Variants in RNF13 observed in about 807,000 individuals in gnomAD.
RNF13 encodes the protein ring finger protein 13.
A neutral mutation model predicts 37.7 loss-of-function variants in RNF13; 19 were observed. The ratio of observed to expected loss-of-function variants is 0.50; its 90% CI spans 0.35 to 0.74. The LOEUF (loss-of-function observed/expected upper bound fraction) is 0.74, where lower values mean the gene tolerates loss of function less well. RNF13 is among the 30% of genes least tolerant of loss of function. The probability of loss-of-function intolerance (pLI) is 0.01; values close to 1 mark genes in which losing one functional copy is unlikely to be tolerated. For synonymous variants in RNF13, 144 were observed against 157.8 expected (o/e 0.91, Z 0.65); for missense variants, 375 against 453.0 (o/e 0.83, Z 1.56).
At chr3:149,881,129 A>G (rs754856154) in intron 4 of RNF13, among the ~76,000 whole-genome samples, 6 of 152,214 alleles carry the variant, frequency 3.9e-5, no homozygotes, top group Non-Finnish European at 7.3e-5. Flanking sequence ...TGAAAAATGC[A>G]GATTTAGGCC....
chr3:149,814,367 G>A (rs1188471105), intron 1 of RNF13: 1 of 152,186 alleles, frequency 6.6e-6, no homozygotes, highest in Non-Finnish European at 1.5e-5. Context: ...TTTAAGCACA[G>A]TTTTTTAATG....
chr3:149,959,707 TA>T (rs1260399794), intron 8 of RNF13, among the ~76,000 whole-genome samples: 4 of 152,330 alleles, frequency 2.6e-5, no homozygotes, highest in Admixed American at 2.6e-4. Flanking sequence ...CATTTTTATT[TA>T]AAAAATGACT....
chr3:149,918,626 T>G (rs1717790370), intron 7 of RNF13, among the ~76,000 whole-genome samples: 1 of 151,924 alleles, frequency 6.6e-6, no homozygotes, highest in South Asian at 2.1e-4. Context: ...TAACCTCAAG[T>G]GATCCTCCCA....
intron 3 of RNF13, among the ~76,000 whole-genome samples, chr3:149,856,616 A>C (rs992497010): frequency 6.6e-6 from 1 of 151,632 alleles, no homozygotes; most frequent in Non-Finnish European, 1.5e-5. Flanking sequence ...GCTAATTTTT[A>C]AATTTTTTTA....
At chr3:149,813,109 C>G (rs1421346197), upstream of RNF13, 1 of 152,264 alleles carries the variant, frequency 6.6e-6, no homozygotes, top group Non-Finnish European at 1.5e-5. Flanking sequence ...AGCGAGACTC[C>G]GCGTGAGAGT....
intron 6 of RNF13, among the ~76,000 whole-genome samples, chr3:149,907,981 C>A (rs1237787188): frequency 6.6e-6 from 1 of 152,156 alleles, no homozygotes; most frequent in African/African-American, 2.4e-5. Context: ...TTTAGGAAAG[C>A]CAATGTTTTC....
At chr3:149,918,526 A>G (rs1331981196) in intron 7 of RNF13, among the ~76,000 whole-genome samples, 1 of 151,430 alleles carries the variant, frequency 6.6e-6, no homozygotes, top group African/African-American at 2.4e-5. Context: ...TTATCCCTTT[A>G]TTTTATTTTG....
chr3:149,891,128 C>T (rs1271442656), intron 4 of RNF13, among the ~76,000 whole-genome samples: 3 of 152,182 alleles, frequency 2.0e-5, no homozygotes, highest in African/African-American at 7.2e-5. Flanking sequence ...CTCTATCTAA[C>T]CTGACAAAGC....
chr3:149,903,945 G>A (rs932559139), intron 6 of RNF13, among the ~76,000 whole-genome samples: 3 of 145,756 alleles, frequency 2.1e-5, no homozygotes, highest in Non-Finnish European at 4.5e-5. Flanking sequence ...CTATCTGTCT[G>A]TCTGTCTGTC....
intron 1 of RNF13, among the ~76,000 whole-genome samples, chr3:149,829,788 G>A (rs1720864387): frequency 6.6e-6 from 1 of 152,174 alleles, no homozygotes; most frequent in Non-Finnish European, 1.5e-5. Context: ...GTTTGGCTGT[G>A]TTCCCACCCA....
intron 5 of RNF13, among the ~76,000 whole-genome samples, chr3:149,901,523 A>G (rs1452110542): frequency 1.3e-5 from 2 of 152,216 alleles, no homozygotes; most frequent in African/African-American, 4.8e-5. Context: ...CCAGGCTTAC[A>G]AGGAAATAGA....
chr3:149,920,717 C>T (rs1436421992), intron 7 of RNF13, among the ~76,000 whole-genome samples: 1 of 149,254 alleles, frequency 6.7e-6, no homozygotes, highest in Non-Finnish European at 1.5e-5. Flanking sequence ...GCCTGTTATT[C>T]TGTAGTAACT....
chr3:149,922,378 A>G (rs1390613749), intron 8 of RNF13, among the ~76,000 whole-genome samples: 1 of 152,342 alleles, frequency 6.6e-6, no homozygotes, highest in African/African-American at 2.4e-5. Context: ...ATGAATAAAT[A>G]AATGAATGAA....
intron 8 of RNF13, among the ~76,000 whole-genome samples, chr3:149,928,224 T>C (rs1398355168): frequency 6.6e-6 from 1 of 152,108 alleles, no homozygotes; most frequent in Non-Finnish European, 1.5e-5. Context: ...TTTTACCTTA[T>C]GTCATATCTA....
intron 8 of RNF13, among the ~76,000 whole-genome samples, chr3:149,933,101 A>C (rs1387064608): frequency 6.6e-6 from 1 of 151,486 alleles, no homozygotes; most frequent in African/African-American, 2.4e-5. Context: ...GCAGTGCCCC[A>C]AACTGTACCA....
chr3:149,938,264 G>A (rs1212866861), intron 8 of RNF13, among the ~76,000 whole-genome samples: 1 of 151,858 alleles, frequency 6.6e-6, no homozygotes, highest in Non-Finnish European at 1.5e-5. Context: ...TGCAGCCTCT[G>A]CCTCCCAGGT....
chr3:149,954,274 C>A (rs1206484325), intron 8 of RNF13, among the ~76,000 whole-genome samples: 1 of 151,536 alleles, frequency 6.6e-6, no homozygotes, highest in Non-Finnish European at 1.5e-5. Context: ...AAGTGTAGAA[C>A]ACATCTGTGG....
intron 8 of RNF13, among the ~76,000 whole-genome samples, chr3:149,930,271 T>C (rs1408731647): frequency 6.6e-6 from 1 of 152,192 alleles, no homozygotes; most frequent in African/African-American, 2.4e-5. Flanking sequence ...TGTCAGTTCA[T>C]TGACTTTGTT....
At chr3:149,881,787 C>T (rs1713440638) in intron 4 of RNF13, among the ~76,000 whole-genome samples, 1 of 152,134 alleles carries the variant, frequency 6.6e-6, no homozygotes, top group Admixed American at 6.5e-5. Flanking sequence ...TTCAGCTTAC[C>T]TCTAAGCTTA....
Sources: gnomAD v4.1 joint callset for allele counts (sites outside exome capture counted in the v4.1 genomes callset) on GRCh38, gnomAD v4.1.1 for gene constraint, MANE v1.5 for transcripts, NCBI Gene and HGNC (gene_info 2026-07-23, HGNC 2026-07-21) for gene names.